The following ZNF385C variants were observed in gnomAD, a reference collection of about 807,000 sequenced individuals.
ZNF385C encodes zinc finger protein 385C, also known as CTD-2132N18.2.
A neutral mutation model predicts 35.4 loss-of-function variants in ZNF385C; 28 were observed. That is an observed-to-expected ratio of 0.79 (90% CI 0.59 to 1.08). The LOEUF (loss-of-function observed/expected upper bound fraction) is 1.08, where lower values mean the gene tolerates loss of function less well. Among genes scored for constraint, ZNF385C ranks in the 50% least tolerant of loss-of-function variants. The probability of loss-of-function intolerance (pLI) is 0.00; values close to 1 mark genes in which losing one functional copy is unlikely to be tolerated. For synonymous variants in ZNF385C, 248 were observed against 248.2 expected (o/e 1.00, Z 0.01); for missense variants, 605 against 595.6 (o/e 1.02, Z -0.16).
chr17:42,039,602 C>A (rs1460480429), intron 2 of ZNF385C: 17 of 1,087,550 alleles, frequency 1.6e-5, no homozygotes, highest in Non-Finnish European at 1.8e-5. Flanking sequence ...CCCTGGGAGG[C>A]TGCAGTCAGC....
chr17:42,069,726 C>G (rs1045668029), intron 1 of ZNF385C, among the ~76,000 whole-genome samples: 1 of 152,200 alleles, frequency 6.6e-6, no homozygotes, highest in Non-Finnish European at 1.5e-5. Flanking sequence ...GACCCTGCCT[C>G]GCTGGGCTTT....
chr17:42,043,209 C>G, intron 2 of ZNF385C: 1 of 1,232,280 alleles, frequency 8.1e-7, no homozygotes, highest in East Asian at 3.2e-5. Context: ...CTTTGCCATG[C>G]TTGTTCCGTA....
chr17:42,030,752 G>A (rs1228009488), intron 5 of ZNF385C, among the ~76,000 whole-genome samples: 2 of 152,088 alleles, frequency 1.3e-5, no homozygotes, highest in East Asian at 1.9e-4. Flanking sequence ...TGCTGGGTTC[G>A]GGTGGGATTG....
intron 5 of ZNF385C, 57 bp from the exon 6 acceptor site, chr17:42,029,130 C>T: frequency 3.3e-6 from 5 of 1,502,012 alleles, no homozygotes; most frequent in Non-Finnish European, 4.5e-6. Context: ...CCACGATCTT[C>T]AGCTCTGACC....
At chr17:42,063,976 G>T (rs1377856770) in intron 1 of ZNF385C, among the ~76,000 whole-genome samples, 1 of 152,088 alleles carries the variant, frequency 6.6e-6, no homozygotes, top group Non-Finnish European at 1.5e-5. Flanking sequence ...CGAGGCAACA[G>T]TTGGTGGTTT....
intron 2 of ZNF385C, among the ~76,000 whole-genome samples, chr17:42,041,659 C>T (rs1279401614): frequency 6.6e-6 from 1 of 152,174 alleles, no homozygotes; most frequent in Non-Finnish European, 1.5e-5. Flanking sequence ...CACTGTCCAG[C>T]TCAGTGATTA....
At chr17:42,054,944 C>T (rs1162449803) in intron 2 of ZNF385C, among the ~76,000 whole-genome samples, 1 of 152,044 alleles carries the variant, frequency 6.6e-6, no homozygotes, top group Non-Finnish European at 1.5e-5. Flanking sequence ...CCCCATTCTT[C>T]TCCTCTCCAT....
intron 1 of ZNF385C, among the ~76,000 whole-genome samples, chr17:42,088,142 T>G (rs142042361): frequency 1.2e-3 from 182 of 152,356 alleles, no homozygotes; most frequent in African/African-American, 4.3e-3. Flanking sequence ...TCATTACATA[T>G]GTTTGCTAAA....
intron 2 of ZNF385C, among the ~76,000 whole-genome samples, chr17:42,057,682 C>T (rs1295969457): frequency 2.6e-5 from 4 of 152,018 alleles, no homozygotes; most frequent in African/African-American, 4.8e-5. Flanking sequence ...CAGTGGCTCA[C>T]GCCTATAATC....
intron 1 of ZNF385C, among the ~76,000 whole-genome samples, chr17:42,085,247 C>A (rs1330145709): frequency 1.3e-5 from 2 of 152,046 alleles, no homozygotes; most frequent in Non-Finnish European, 2.9e-5. Context: ...GCCTGGGCAA[C>A]ATATGGAGAC....
chr17:42,083,351 C>T (rs962054334), intron 1 of ZNF385C, among the ~76,000 whole-genome samples: 6 of 151,796 alleles, frequency 4.0e-5, no homozygotes, highest in East Asian at 2.0e-4. Context: ...TACAGGCACC[C>T]GCCAACACGC....
intron 1 of ZNF385C, among the ~76,000 whole-genome samples, chr17:42,093,497 A>G (rs1344217005): frequency 5.3e-5 from 8 of 152,116 alleles, no homozygotes; most frequent in African/African-American, 1.9e-4. Context: ...CAGAGTTCAG[A>G]GCCGAAACCC....
intron 1 of ZNF385C, among the ~76,000 whole-genome samples, chr17:42,067,939 C>T (rs1292036970): frequency 2.0e-5 from 3 of 152,186 alleles, no homozygotes; most frequent in African/African-American, 4.8e-5. Context: ...GGGCCGGGGA[C>T]ATCGCCCAAG....
intron 2 of ZNF385C, 83 bp from the exon 3 acceptor site, chr17:42,037,968 G>A (rs2052904792): frequency 1.3e-6 from 2 of 1,542,300 alleles, no homozygotes; most frequent in Non-Finnish European, 8.7e-7. Context: ...GGCTTCTTGG[G>A]TGTGGAGCTG....
chr17:42,073,681 G>A (rs1327166319), intron 1 of ZNF385C, among the ~76,000 whole-genome samples: 3 of 152,192 alleles, frequency 2.0e-5, no homozygotes, highest in African/African-American at 7.2e-5. Context: ...ACCAGGAAGA[G>A]CAGGAGGCAG....
At chr17:42,029,142 T>C (rs1275543712) in intron 5 of ZNF385C, 69 bp from the exon 6 acceptor site, 5 of 1,484,354 alleles carry the variant, frequency 3.4e-6, no homozygotes, top group East Asian at 2.5e-5. Context: ...GCTCTGACCA[T>C]GGAGGTGGCC....
chr17:42,040,063 G>A (rs918176447), intron 2 of ZNF385C: 5 of 1,231,078 alleles, frequency 4.1e-6, no homozygotes, highest in Admixed American at 4.2e-5. Context: ...GTCGCCCAGC[G>A]CCCGCTGGCG....
intron 4 of ZNF385C, among the ~76,000 whole-genome samples, chr17:42,032,041 TTTG>T (rs58515485): frequency 7.2e-5 from 11 of 151,948 alleles, no homozygotes; most frequent in East Asian, 1.9e-4. Flanking sequence ...ACCACATCTT[TTTG>T]TTGTTGTTGT....
At chr17:42,041,026 A>G in intron 2 of ZNF385C, 1 of 1,232,334 alleles carries the variant, frequency 8.1e-7, no homozygotes, top group Non-Finnish European at 1.0e-6. Context: ...ACTGCCCAGG[A>G]AGGTGGTGGC....
Sources: allele counts gnomAD v4.1 joint callset (sites outside exome capture counted in the v4.1 genomes callset), GRCh38; gene constraint gnomAD v4.1.1; transcripts MANE v1.5; gene names NCBI Gene and HGNC (gene_info 2026-07-23, HGNC 2026-07-21).